The following PARD3B variants were observed in gnomAD, a reference collection of about 807,000 sequenced individuals.
The protein encoded by PARD3B is partitioning defective 3 homolog B.
PARD3B carries 103 observed loss-of-function variants against 130.2 expected under a neutral mutation model. The observed-to-expected ratio is 0.79, with a 90% CI of 0.67 to 0.93. The LOEUF is 0.93. Ranked by LOEUF, PARD3B falls within the 40% of genes least tolerant of loss-of-function variation. The pLI, the probability that PARD3B is intolerant of heterozygous loss-of-function variation, is 0.00. For synonymous variants in PARD3B, 583 were observed against 553.2 expected (o/e 1.05, Z -0.76); for missense variants, 1,609 against 1,499.2 (o/e 1.07, Z -1.21).
intron 3 of PARD3B, among the ~76,000 whole-genome samples, chr2:205,038,032 A>G (rs1333068543): frequency 6.6e-6 from 1 of 152,152 alleles, no homozygotes; most frequent in Non-Finnish European, 1.5e-5. Context: ...TCAAAGTGGG[A>G]CAGGATTACA....
intron 2 of PARD3B, among the ~76,000 whole-genome samples, chr2:204,765,224 G>C (rs754111907): frequency 1.3e-5 from 2 of 152,196 alleles, no homozygotes; most frequent in Non-Finnish European, 2.9e-5. Context: ...ACCAGCATCA[G>C]TATCACCTGA....
rs531499211 is a variant in PARD3B, at chr2:204,656,126, C to T, written c.121-30055C>T. 3.3e-5 allele frequency among the ~76,000 whole-genome samples: 5 copies of T among 152,166 alleles called. No homozygotes were observed. The South Asian group carries it at 1.0e-3, about 32-fold the overall frequency. On this transcript the variant is annotated intron_variant, in intron 1 of 22. Transcript: ENST00000406610. ...ATTATTTCTGCAGCATTCTATTGGC[C>T]ACTGCAAATCACAAAGCCAGCCAAC...
intron 2 of PARD3B, among the ~76,000 whole-genome samples, chr2:204,859,535 T>C (rs2045099818): frequency 1.3e-5 from 2 of 152,338 alleles, no homozygotes; most frequent in South Asian, 4.1e-4. Flanking sequence ...TCTTAAAATA[T>C]GTACATTTTC....
At chr2:205,380,880 T>TTATA (rs1553499069) in intron 18 of PARD3B, among the ~76,000 whole-genome samples, 2 of 12,820 alleles carry the variant, frequency 1.6e-4, no homozygotes, top group African/African-American at 5.9e-4. Flanking sequence ...AAAGAATACA[T>TTATA]TATAATATAT....
chr2:204,737,256 G>A (rs75646358), intron 2 of PARD3B, among the ~76,000 whole-genome samples: 2,639 of 152,248 alleles, frequency 0.017, 60 homozygotes, highest in African/African-American at 0.059. Flanking sequence ...GAGCCACTGC[G>A]TCCCACTGAC....
chr2:205,113,436 C>G (rs1405676127), intron 5 of PARD3B, 55 bp from the exon 6 acceptor site: 1 of 1,200,280 alleles, frequency 8.3e-7, no homozygotes, highest in South Asian at 1.3e-5. Flanking sequence ...TTTAGATGTG[C>G]TCCCTCTGTT....
chr2:204,859,507 A>G (rs2045098631), intron 2 of PARD3B, among the ~76,000 whole-genome samples: 1 of 152,222 alleles, frequency 6.6e-6, no homozygotes, highest in Non-Finnish European at 1.5e-5. Context: ...TAAAGATTGG[A>G]AAACCTCAGA....
chr2:205,226,382 T>G (rs553304360), intron 15 of PARD3B, among the ~76,000 whole-genome samples: 55 of 152,340 alleles, frequency 3.6e-4, no homozygotes, highest in Non-Finnish European at 5.7e-4. Flanking sequence ...TGCCCATGTT[T>G]GCAGTTGGTT....
At chr2:204,881,173 C>G (rs1019850145) in intron 2 of PARD3B, among the ~76,000 whole-genome samples, 4 of 152,152 alleles carry the variant, frequency 2.6e-5, no homozygotes, top group African/African-American at 9.7e-5. Flanking sequence ...TTTAGCTACT[C>G]AGTTTTTTCT....
intron 21 of PARD3B, among the ~76,000 whole-genome samples, chr2:205,527,714 C>T (rs989401585): frequency 6.6e-6 from 1 of 152,112 alleles, no homozygotes; most frequent in Non-Finnish European, 1.5e-5. Flanking sequence ...TCTTCGTATC[C>T]GATGATGCCA....
chr2:204,774,728 A>C (rs2041538309), intron 2 of PARD3B, among the ~76,000 whole-genome samples: 1 of 152,140 alleles, frequency 6.6e-6, no homozygotes, highest in Admixed American at 6.6e-5. Context: ...CCTTTGCATA[A>C]GCCCTACTAT....
intron 18 of PARD3B, among the ~76,000 whole-genome samples, chr2:205,361,911 T>C (rs1473208907): frequency 6.6e-6 from 1 of 152,178 alleles, no homozygotes; most frequent in East Asian, 1.9e-4. Context: ...GTGGAGCCAA[T>C]CTTCTTATAT....
Position 205,281,489 on chromosome 2 carries a change from G to A in PARD3B, c.2186-19041G>A, listed in dbSNP as rs1574585942. On this transcript the variant is annotated intron_variant, in intron 16 of 22. Coordinates refer to ENST00000406610, the MANE Select transcript of PARD3B (RefSeq NM_001302769.2). This position sits in a 1 kb window ranked among gnomAD's most constrained non-coding sequence, Gnocchi z 4.2. ...TCCAGTGAACAGTTAGCAAACTAGG[G>A]AGATGCAGTATTTCTGTCCCAAAGT... is the stretch of plus-strand genomic sequence containing the variant. Among the ~76,000 whole-genome samples the A allele has an allele frequency of 6.6e-6, 1 of 152,120 alleles. No homozygotes were observed. The highest frequency in any genetic ancestry group is 2.1e-4 in the South Asian group (1 of 4,818).
chr2:204,750,243 C>G (rs1173559081), intron 2 of PARD3B, among the ~76,000 whole-genome samples: 1 of 152,132 alleles, frequency 6.6e-6, no homozygotes, highest in Non-Finnish European at 1.5e-5. Flanking sequence ...AGGTGGTACT[C>G]CAAGGTCTGC....
chr2:204,626,257 G>A (rs904839972), intron 1 of PARD3B, among the ~76,000 whole-genome samples: 31 of 152,080 alleles, frequency 2.0e-4, no homozygotes, highest in Non-Finnish European at 1.2e-4. Context: ...TGGCAAATCA[G>A]TTTTCTGTGT....
At chr2:205,560,767 A>G (rs755483233) in intron 22 of PARD3B, among the ~76,000 whole-genome samples, 10 of 152,240 alleles carry the variant, frequency 6.6e-5, no homozygotes, top group Non-Finnish European at 1.5e-4. Flanking sequence ...GCAGCTTTCA[A>G]CTTGGCTGCG....
At chr2:205,192,472 C>G (rs1417993769) in intron 14 of PARD3B, among the ~76,000 whole-genome samples, 1 of 152,086 alleles carries the variant, frequency 6.6e-6, no homozygotes, top group Non-Finnish European at 1.5e-5. Flanking sequence ...ATTTCTAAAA[C>G]AAGAACTAAG....
intron 2 of PARD3B, among the ~76,000 whole-genome samples, chr2:204,711,464 A>G (rs1265416948): frequency 6.6e-6 from 1 of 152,202 alleles, no homozygotes. Context: ...GGTAATAGGT[A>G]TATGTGATCT....
Position 204,904,735 on chromosome 2 carries a change from A to G in PARD3B, c.223-60417A>G, listed in dbSNP as rs73053138. Among the ~76,000 whole-genome samples the G allele has an allele frequency of 6.5e-3, 984 of 152,120 alleles. 7 individuals carry two copies. The highest frequency in any genetic ancestry group is 0.022 in the African/African-American group (923 of 41,502). Reference sequence around the variant, plus strand: ...ATTTTGTTTTTTATAATTTTCCATTAAGAGTGGGATGTTAAATATGTTCTC... The same window carrying G: ...ATTTTGTTTTTTATAATTTTCCATTGAGAGTGGGATGTTAAATATGTTCTC... On this transcript the variant is annotated intron_variant, in intron 2 of 22. Coordinates refer to ENST00000406610, the MANE Select transcript of PARD3B (RefSeq NM_001302769.2).
Sources: gnomAD v4.1 joint callset for allele counts (sites outside exome capture counted in the v4.1 genomes callset) on GRCh38, gnomAD v4.1.1 for gene constraint, Gnocchi (gnomAD v3.1) non-coding constraint, MANE v1.5 for transcripts, NCBI Gene and HGNC (gene_info 2026-07-23, HGNC 2026-07-21) for gene names.